Variants in PDSS2 observed in about 807,000 individuals in gnomAD.
PDSS2 encodes decaprenyl diphosphate synthase subunit 2.
Under a neutral mutation model 44.5 loss-of-function variants are expected in PDSS2, and 31 were observed. That is an observed-to-expected ratio of 0.70 (90% CI 0.52 to 0.94). The LOEUF is 0.94. Ranked by LOEUF, PDSS2 falls within the 40% of genes least tolerant of loss-of-function variation. The pLI, the probability that PDSS2 is intolerant of heterozygous loss-of-function variation, is 0.00. For missense variants in PDSS2, 452 were observed against 482.2 expected (o/e 0.94, Z 0.59); for synonymous variants, 157 against 180.3 (o/e 0.87, Z 1.03).
At chr6:107,417,035 C>G (rs1208273121) in intron 1 of PDSS2, among the ~76,000 whole-genome samples, 1 of 151,896 alleles carries the variant, frequency 6.6e-6, no homozygotes, top group Non-Finnish European at 1.5e-5. Context: ...TTGAGGCCAG[C>G]CTGGGCAATA....
intron 7 of PDSS2, among the ~76,000 whole-genome samples, chr6:107,161,158 A>C (rs1771112055): frequency 6.7e-6 from 1 of 148,560 alleles, no homozygotes; most frequent in South Asian, 2.4e-4. Flanking sequence ...TACAGGCGTG[A>C]GCCACCACTC....
intron 1 of PDSS2, among the ~76,000 whole-genome samples, chr6:107,373,060 C>A (rs892387905): frequency 1.3e-5 from 2 of 150,030 alleles, no homozygotes; most frequent in South Asian, 4.2e-4. Context: ...CTCGGCTCAC[C>A]ACAACCTCCA....
intron 4 of PDSS2, among the ~76,000 whole-genome samples, chr6:107,213,724 T>A (rs1165416870): frequency 6.6e-6 from 1 of 152,086 alleles, no homozygotes; most frequent in Non-Finnish European, 1.5e-5. Context: ...ACCCCTGCAC[T>A]CCAGCCTGGG....
intron 1 of PDSS2, among the ~76,000 whole-genome samples, chr6:107,439,895 G>A (rs1226966890): frequency 6.6e-6 from 1 of 152,166 alleles, no homozygotes; most frequent in Non-Finnish European, 1.5e-5. Context: ...TGTGCTCCAT[G>A]TGACTGCTCA....
chr6:107,243,795 CCTAA>C, intron 4 of PDSS2, among the ~76,000 whole-genome samples: 1 of 152,168 alleles, frequency 6.6e-6, no homozygotes, highest in South Asian at 2.1e-4. Context: ...TGCTTTTGTG[CCTAA>C]CTGTTGCATT....
chr6:107,420,022 G>A (rs1562527636), intron 1 of PDSS2, among the ~76,000 whole-genome samples: 4 of 152,204 alleles, frequency 2.6e-5, no homozygotes, highest in Non-Finnish European at 4.4e-5. Flanking sequence ...CCTGACAACA[G>A]TGGATAAAAT....
chr6:107,225,155 ATATATATTTTTTTTT>A (rs1562389286), intron 4 of PDSS2, among the ~76,000 whole-genome samples: 122 of 51,426 alleles, frequency 2.4e-3, no homozygotes, highest in Middle Eastern at 6.3e-3. Context: ...ATATATATAT[ATATATATTTTTTTTT>A]TTTTTTTTTT....
intron 2 of PDSS2, among the ~76,000 whole-genome samples, chr6:107,299,861 A>T (rs1464225755): frequency 1.3e-5 from 2 of 152,130 alleles, no homozygotes. Context: ...TACTTCACCC[A>T]TACCAGTATG....
At chr6:107,407,994 C>T (rs1479642599) in intron 1 of PDSS2, among the ~76,000 whole-genome samples, 4 of 151,266 alleles carry the variant, frequency 2.6e-5, no homozygotes, top group African/African-American at 9.7e-5. Context: ...CCACCACACC[C>T]GGCCAGTCTT....
intron 3 of PDSS2, among the ~76,000 whole-genome samples, chr6:107,267,343 G>A (rs1775442047): frequency 6.6e-6 from 1 of 152,240 alleles, no homozygotes. Flanking sequence ...ACTTTCTGAG[G>A]CCTCTTTCTT....
At chr6:107,165,154 A>G (rs1417564604) in intron 7 of PDSS2, among the ~76,000 whole-genome samples, 1 of 152,010 alleles carries the variant, frequency 6.6e-6, no homozygotes, top group Admixed American at 6.6e-5. Flanking sequence ...GCTGTGCAGA[A>G]GCTCTTTAGT....
chr6:107,326,605 A>G (rs975540390), intron 2 of PDSS2, among the ~76,000 whole-genome samples: 4 of 151,948 alleles, frequency 2.6e-5, no homozygotes, highest in African/African-American at 9.6e-5. Context: ...TAATCCCAGC[A>G]CTTTGGGAGG....
intron 3 of PDSS2, among the ~76,000 whole-genome samples, chr6:107,255,581 A>G (rs62430063): frequency 0.18 from 27,328 of 150,468 alleles, 2,716 homozygotes; most frequent in South Asian, 0.22. Flanking sequence ...CTTGGGCAAC[A>G]AGAGTGAAAC....
chr6:107,331,405 TA>T (rs1777707033), intron 2 of PDSS2, among the ~76,000 whole-genome samples: 1 of 152,166 alleles, frequency 6.6e-6, no homozygotes, highest in Non-Finnish European at 1.5e-5. Flanking sequence ...TACACTTGAG[TA>T]TAAAGCCCAT....
At chr6:107,303,566 TG>T (rs757636907) in intron 2 of PDSS2, among the ~76,000 whole-genome samples, 1 of 152,234 alleles carries the variant, frequency 6.6e-6, no homozygotes, top group Non-Finnish European at 1.5e-5. Context: ...TCCATAAAAA[TG>T]TGTTCATACT....
chr6:107,224,919 C>T (rs546120702), intron 4 of PDSS2, among the ~76,000 whole-genome samples: 2 of 149,536 alleles, frequency 1.3e-5, no homozygotes, highest in African/African-American at 2.5e-5. Flanking sequence ...CATGGTTTCT[C>T]GTGAGGTTGC....
chr6:107,214,366 C>G (rs1338434808), intron 4 of PDSS2, among the ~76,000 whole-genome samples: 1 of 152,120 alleles, frequency 6.6e-6, no homozygotes, highest in African/African-American at 2.4e-5. Flanking sequence ...GCTGGGATTA[C>G]AAGTGTGAGC....
chr6:107,399,228 G>A, intron 1 of PDSS2, among the ~76,000 whole-genome samples: 1 of 152,122 alleles, frequency 6.6e-6, no homozygotes, highest in Non-Finnish European at 1.5e-5. Context: ...TCAGAGTACA[G>A]GCCCTTAGCC....
At chr6:107,229,887 G>A (rs562627258) in intron 4 of PDSS2, 1 of 199,806 alleles carries the variant, frequency 5.0e-6, no homozygotes, top group Admixed American at 4.5e-5. Context: ...CAGAAATTCA[G>A]AGAAAATCTA....
Sources: gnomAD v4.1 joint callset for allele counts (sites outside exome capture counted in the v4.1 genomes callset) on GRCh38, gnomAD v4.1.1 for gene constraint, MANE v1.5 for transcripts, NCBI Gene and HGNC (gene_info 2026-07-23, HGNC 2026-07-21) for gene names.